Variants in ANKS1B observed in about 807,000 individuals in gnomAD.
The protein encoded by ANKS1B is ankyrin repeat and sterile alpha motif domain-containing protein 1B.
In ANKS1B, 36 loss-of-function variants were observed where a neutral mutation model predicts 148.3. That is an observed-to-expected ratio of 0.24 (90% confidence interval 0.19 to 0.32). ANKS1B has a LOEUF of 0.32. Among genes scored for constraint, ANKS1B ranks in the 10% least tolerant of loss-of-function variants. The pLI is 1.00. For missense variants in ANKS1B, 1,157 were observed against 1,542.6 expected (o/e 0.75, Z 4.19); for synonymous variants, 542 against 560.8 (o/e 0.97, Z 0.47).
intron 10 of ANKS1B, among the ~76,000 whole-genome samples, chr12:99,470,658 G>T (rs1481809091): frequency 6.6e-6 from 1 of 152,062 alleles, no homozygotes; most frequent in African/African-American, 2.4e-5. Flanking sequence ...ACAAGAGTGT[G>T]CACTTAGGCA....
At chr12:99,291,441 A>G (rs1009867362) in intron 12 of ANKS1B, among the ~76,000 whole-genome samples, 5 of 152,152 alleles carry the variant, frequency 3.3e-5, no homozygotes, top group Admixed American at 2.6e-4. Flanking sequence ...CCAAAGCCAT[A>G]CAGAGCAAAA....
At chr12:99,066,459 T>C (rs1445382978) in intron 16 of ANKS1B, among the ~76,000 whole-genome samples, 3 of 151,870 alleles carry the variant, frequency 2.0e-5, no homozygotes, top group African/African-American at 7.3e-5. Flanking sequence ...AGGAGACCAA[T>C]GGGGTTGGAG....
chr12:99,635,307 T>C (rs979493844), intron 9 of ANKS1B, among the ~76,000 whole-genome samples: 3 of 152,124 alleles, frequency 2.0e-5, no homozygotes, highest in African/African-American at 7.2e-5. Context: ...TCCAAACCCA[T>C]ATTATAGAAG....
intron 3 of ANKS1B, 25 bp downstream of exon 3, chr12:99,812,130 A>G (rs1565775380): frequency 1.9e-6 from 3 of 1,593,324 alleles, no homozygotes; most frequent in Non-Finnish European, 1.7e-6. Flanking sequence ...AAATTACATC[A>G]TGAGCAAACA....
chr12:99,088,076 A>G (rs1235519334), intron 15 of ANKS1B, among the ~76,000 whole-genome samples: 1 of 152,218 alleles, frequency 6.6e-6, no homozygotes, highest in African/African-American at 2.4e-5. Context: ...ATGAACCAAA[A>G]TTATGGGAAG....
At chr12:98,770,494 T>A (rs2098551687) in intron 25 of ANKS1B, among the ~76,000 whole-genome samples, 2 of 152,212 alleles carry the variant, frequency 1.3e-5, no homozygotes, top group African/African-American at 4.8e-5. Context: ...TTTAATCCCG[T>A]GCAAACAAAC....
At chr12:99,705,593 TC>T (rs1358127726) in intron 8 of ANKS1B, among the ~76,000 whole-genome samples, 4 of 152,082 alleles carry the variant, frequency 2.6e-5, no homozygotes, top group Non-Finnish European at 4.4e-5. Context: ...TCACATCCAG[TC>T]TATGAAGCAA....
intron 17 of ANKS1B, among the ~76,000 whole-genome samples, chr12:98,836,272 A>G (rs542644245): frequency 6.6e-6 from 1 of 152,354 alleles, no homozygotes; most frequent in Admixed American, 6.5e-5. Flanking sequence ...AAACATTAAA[A>G]TAATTCACTT....
At chr12:99,076,832 T>G (rs1354855621) in intron 16 of ANKS1B, among the ~76,000 whole-genome samples, 1 of 152,174 alleles carries the variant, frequency 6.6e-6, no homozygotes. Flanking sequence ...TATTGCCTGT[T>G]TTTTTAAATA....
At chr12:98,788,192 G>A (rs918671357) in intron 22 of ANKS1B, among the ~76,000 whole-genome samples, 3 of 150,788 alleles carry the variant, frequency 2.0e-5, no homozygotes, top group Non-Finnish European at 4.4e-5. Context: ...ATCACCTGAG[G>A]TCAGGAGTTC....
chr12:99,973,721 G>A (rs7316887), intron 1 of ANKS1B, among the ~76,000 whole-genome samples: 10,062 of 152,274 alleles, frequency 0.066, 396 homozygotes, highest in Non-Finnish European at 0.081. Flanking sequence ...AGATGTGGTG[G>A]AAATAGCAAG....
intron 17 of ANKS1B, among the ~76,000 whole-genome samples, chr12:99,048,103 G>A (rs564347846): frequency 2.3e-4 from 35 of 152,318 alleles, no homozygotes; most frequent in African/African-American, 5.3e-4. Flanking sequence ...CTGGAATGCC[G>A]AGCTTGGCTC....
At chr12:99,016,912 C>T (rs1336879529) in intron 17 of ANKS1B, among the ~76,000 whole-genome samples, 1 of 152,154 alleles carries the variant, frequency 6.6e-6, no homozygotes, top group Admixed American at 6.5e-5. Flanking sequence ...AGGTACTTTC[C>T]CTGTCCTTTG....
rs541795921 is a variant in ANKS1B at position 99,034,015 on chromosome 12, T to A, written c.2778+19142A>T. The stretch of plus-strand genomic sequence containing the variant: ...AAGACCCTTGGGTGTTGAGCCAACA[T>A]TGGCAGGTGCGAAAGGGAATGACAC... On this transcript the variant is annotated intron_variant, in intron 17 of 26. Coordinates refer to ENST00000683438, the MANE Select transcript of ANKS1B (RefSeq NM_001352186.2). Among the ~76,000 whole-genome samples, 16 of 152,306 alleles carry A rather than the reference T, an allele frequency of 1.1e-4. No homozygotes were observed. In the South Asian group the frequency reaches 3.3e-3, roughly 32 times the overall value.
intron 8 of ANKS1B, among the ~76,000 whole-genome samples, chr12:99,659,353 G>A (rs973463316): frequency 2.0e-5 from 3 of 152,024 alleles, no homozygotes; most frequent in Non-Finnish European, 4.4e-5. Context: ...CTTTTTACTG[G>A]AGAACAAACT....
At chr12:99,960,774 C>A (rs1453193591) in intron 1 of ANKS1B, among the ~76,000 whole-genome samples, 1 of 152,076 alleles carries the variant, frequency 6.6e-6, no homozygotes, top group Non-Finnish European at 1.5e-5. Flanking sequence ...GGCAGAGTCT[C>A]AATAACATTT....
intron 16 of ANKS1B, among the ~76,000 whole-genome samples, chr12:99,056,109 C>T (rs112707818): frequency 2.0e-4 from 30 of 152,250 alleles, no homozygotes; most frequent in South Asian, 2.1e-4. Flanking sequence ...CAGTATCATC[C>T]GCCCACTCAT....
chr12:98,809,465 T>A (rs999156765), intron 19 of ANKS1B, among the ~76,000 whole-genome samples: 1 of 152,054 alleles, frequency 6.6e-6, no homozygotes, highest in Non-Finnish European at 1.5e-5. Context: ...GTTAATCTAG[T>A]GCTAGAAGTG....
intron 12 of ANKS1B, among the ~76,000 whole-genome samples, chr12:99,338,472 T>C (rs573384999): frequency 1.6e-4 from 24 of 152,292 alleles, no homozygotes; most frequent in African/African-American, 5.8e-4. Flanking sequence ...ATCTAAGAGC[T>C]ACGGCCTGGA....
Sources: allele counts gnomAD v4.1 joint callset (sites outside exome capture counted in the v4.1 genomes callset), GRCh38; gene constraint gnomAD v4.1.1; transcripts MANE v1.5; gene names NCBI Gene and HGNC (gene_info 2026-07-23, HGNC 2026-07-21).